Variants in CRACDL observed in about 807,000 individuals in gnomAD.
CRACDL encodes CRACD like.
A neutral mutation model predicts 70.6 loss-of-function variants in CRACDL; 26 were observed. The ratio of observed to expected loss-of-function variants is 0.37; its 90% CI spans 0.27 to 0.51. The LOEUF is 0.51. CRACDL is among the 20% of genes least tolerant of loss of function. CRACDL has a pLI of 0.94. For missense variants in CRACDL, 1,283 were observed against 1,376.9 expected, an observed-to-expected ratio of 0.93 and a Z score of 1.08; for synonymous variants, 618 against 615.2, an observed-to-expected ratio of 1.00 and a Z score of -0.07.
chr2:98,866,232 C>T (rs1707133158), intron 1 of CRACDL, among the ~76,000 whole-genome samples: 1 of 152,008 alleles, frequency 6.6e-6, no homozygotes, highest in Non-Finnish European at 1.5e-5. Context: ...ATCTTATTGC[C>T]CTGTAGTTAC....
intron 6 of CRACDL, among the ~76,000 whole-genome samples, chr2:98,825,925 C>T (rs1048771992): frequency 2.6e-5 from 4 of 152,218 alleles, no homozygotes; most frequent in African/African-American, 9.6e-5. Flanking sequence ...CAACTGTCTC[C>T]AGCTGAGGCA....
Position 98,822,021 on chromosome 2 carries a change from C to T in CRACDL, c.2252G>A (p.Arg751Gln), listed in dbSNP as rs775371612. 30 of 1,539,708 alleles carry T rather than the reference C, an allele frequency of 1.9e-5. No homozygotes were observed. In the Admixed American group the frequency reaches 5.6e-4, roughly 29 times the overall value. The change falls in exon 7 of 10, where the codon CGG becomes CAG. Residue 751 changes from arginine (R) to glutamine (Q), a missense_variant. By Grantham distance (43) the Arg-to-Gln change is conservative. Transcript: ENST00000397899. The surrounding 1 kb of genome is among the most constrained non-coding windows in gnomAD (Gnocchi z 4.9). The part of the protein sequence containing the change: ...APSDQGKGKA[R>Q]PPEPLSSKPP... ...CTTGGAGCTGAGCGGCTCGGGGGGC[C>T]GGGCCTTCCCCTTTCCTTGGTCGCT...
intron 9 of CRACDL, among the ~76,000 whole-genome samples, chr2:98,795,077 A>ATATATATATATATATATATTTTTTTTT: frequency 1.7e-5 from 1 of 58,496 alleles, no homozygotes; most frequent in African/African-American, 6.6e-5. Context: ...ATATATATAT[A>ATATATATATATATATATATTTTTTTTT]TTTTTTTTTT....
intron 2 of CRACDL, among the ~76,000 whole-genome samples, chr2:98,841,461 C>T (rs775730566): frequency 3.9e-5 from 6 of 152,074 alleles, no homozygotes; most frequent in Admixed American, 6.5e-5. Flanking sequence ...CAAGGACCTT[C>T]GAATACTTTA....
chr2:98,856,650 A>T (rs1187281539), intron 1 of CRACDL, among the ~76,000 whole-genome samples: 1 of 152,212 alleles, frequency 6.6e-6, no homozygotes, highest in African/African-American at 2.4e-5. Flanking sequence ...CATTGTTGGG[A>T]CTATAATGTA....
At chr2:98,844,951 T>C (rs937211274) in intron 2 of CRACDL, among the ~76,000 whole-genome samples, 1 of 152,178 alleles carries the variant, frequency 6.6e-6, no homozygotes, top group Non-Finnish European at 1.5e-5. Context: ...AAAGGGTTGG[T>C]TTACCCCTAG....
chr2:98,935,030 T>C lies in CRACDL; in HGVS notation c.-11+908A>G, dbSNP rs570600246. On this transcript the variant is annotated intron_variant, in intron 1 of 9. Coordinates refer to ENST00000397899, the MANE Select transcript of CRACDL (RefSeq NM_207362.3). Reference sequence around the variant, plus strand: ...TTCTTAGGATGACCACAGTGCTCCATCATTCCAGGTGTGCGCCCGTGGGAC... The same window carrying C: ...TTCTTAGGATGACCACAGTGCTCCACCATTCCAGGTGTGCGCCCGTGGGAC... Among the ~76,000 whole-genome samples, 19 of 152,342 alleles carry C rather than the reference T, an allele frequency of 1.2e-4. 1 individual carries two copies. The South Asian group carries it at 3.9e-3, about 32-fold the overall frequency.
At chr2:98,931,977 A>G (rs2104710964) in intron 1 of CRACDL, among the ~76,000 whole-genome samples, 1 of 152,354 alleles carries the variant, frequency 6.6e-6, no homozygotes, top group East Asian at 1.9e-4. Flanking sequence ...ATTTGTCAAA[A>G]TCATAAATGT....
At chr2:98,930,009 T>C (rs1709030098) in intron 1 of CRACDL, among the ~76,000 whole-genome samples, 1 of 152,106 alleles carries the variant, frequency 6.6e-6, no homozygotes. Flanking sequence ...AGGAACCTGA[T>C]ATTCCCTCAA....
chr2:98,832,475 G>A lies in CRACDL; in HGVS notation c.413C>T (p.Pro138Leu). ...CTTGGCAGGAAGCCCCCCTGGAGGA[G>A]GTGGTGGCCCCATTTTCACATTACA... ...IQCNVKMGPP[P>L]PPGGLPAKRG... is the part of the protein sequence containing the mutation. The change falls in exon 5 of 10, where the codon CCT becomes CTT. Residue 138 changes from proline to leucine, a missense_variant. By Grantham distance (98) the Pro-to-Leu change is moderately conservative (BLOSUM62 -3). Coordinates refer to ENST00000397899, the MANE Select transcript of CRACDL (RefSeq NM_207362.3). 6.2e-7 allele frequency: 1 copy of A among 1,612,596 alleles called. No individual in the cohort carries two copies. The highest frequency in any genetic ancestry group is 8.5e-7 in the Non-Finnish European group (1 of 1,179,052).
At chr2:98,899,264 C>A (rs1303552304) in intron 1 of CRACDL, among the ~76,000 whole-genome samples, 3 of 152,222 alleles carry the variant, frequency 2.0e-5, no homozygotes, top group Non-Finnish European at 4.4e-5. Context: ...AGGGGTGACA[C>A]AAGAGCTCTT....
intron 1 of CRACDL, among the ~76,000 whole-genome samples, chr2:98,904,473 G>A (rs1004187149): frequency 2.6e-5 from 4 of 152,200 alleles, no homozygotes; most frequent in South Asian, 2.1e-4. Context: ...GGAAACCCAC[G>A]TGATTGTTCT....
intron 7 of CRACDL, among the ~76,000 whole-genome samples, chr2:98,811,264 C>A (rs1241754352): frequency 1.3e-5 from 2 of 151,720 alleles, no homozygotes; most frequent in Non-Finnish European, 2.9e-5. Context: ...GCAATCCCAG[C>A]ACTTTGGGAG....
chr2:98,858,223 G>T (rs1200199509), intron 1 of CRACDL, among the ~76,000 whole-genome samples: 1 of 152,068 alleles, frequency 6.6e-6, no homozygotes, highest in Non-Finnish European at 1.5e-5. Context: ...AGAAGAAAAG[G>T]CTGGGTGCAG....
chr2:98,873,496 G>A (rs1707404538), intron 1 of CRACDL, among the ~76,000 whole-genome samples: 1 of 152,148 alleles, frequency 6.6e-6, no homozygotes, highest in African/African-American at 2.4e-5. Flanking sequence ...CTGACCCCAG[G>A]GTGGGAACAG....
In CRACDL at chr2:98,822,711, G is replaced by A; in HGVS notation, c.1562C>T (p.Pro521Leu). 1 of 1,264,244 alleles carries A rather than the reference G, an allele frequency of 7.9e-7. No individual in the cohort carries two copies. The highest frequency in any genetic ancestry group is 9.9e-7 in the Non-Finnish European group (1 of 1,008,536). The allele number at this position is 1,264,244 out of a possible 1,614,324, so 78.3% of individuals were successfully genotyped here. A position where few individuals can be genotyped will look rare whatever the true frequency, so the allele number is the denominator to read the frequency against. The change falls in exon 7 of 10, where the codon CCC (proline) becomes CTC (leucine). Residue 521 changes from proline to leucine, a missense_variant. This residue lies in a region of CRACDL where 921 missense variants were observed against 881.9 expected (regional missense o/e 1.04). Coordinates refer to ENST00000397899, the MANE Select transcript of CRACDL (RefSeq NM_207362.3). The surrounding 1 kb of genome is among the most constrained non-coding windows in gnomAD (Gnocchi z 4.9). ...ASPPLAAAES[P>L]PVEPGPGSLD... is the part of the protein sequence containing the mutation. ...GGAACCGGGGCCGGGCTCCACCGGGGGAGACTCCGCAGCGGCAAGCGGCGG... is the reference window on the plus strand; with the variant it reads ...GGAACCGGGGCCGGGCTCCACCGGGAGAGACTCCGCAGCGGCAAGCGGCGG...
At chr2:98,862,279 C>T (rs1212384297) in intron 1 of CRACDL, among the ~76,000 whole-genome samples, 4 of 152,092 alleles carry the variant, frequency 2.6e-5, no homozygotes, top group African/African-American at 9.7e-5. Context: ...ACAAACAAAA[C>T]CCAAAAATCC....
chr2:98,822,208 T>C lies in CRACDL; in HGVS notation c.2065A>G (p.Thr689Ala). The C allele has an allele frequency of 1.2e-6, 2 of 1,609,702 alleles. No individual in the cohort carries two copies. Among genetic ancestry groups the C allele is most frequent in the Admixed American group, 1.7e-5 (1 of 59,904 alleles). ...TCCCTGTATTTGAGCGAGAGGGAGG[T>C]GGACCGGAGCTTGACGGGGAAGGGG... ...RNPFPVKLRS[T>A]SLSLKYRDGA... Residue 689 changes from threonine (T) to alanine (A), a missense_variant, in exon 7 of 10, where the codon ACC (threonine) becomes GCC (alanine). Physicochemically the swap from Thr to Ala is moderately conservative, Grantham distance 58 (BLOSUM62 0). Transcript: ENST00000397899. The surrounding 1 kb of genome is among the most constrained non-coding windows in gnomAD (Gnocchi z 4.9).
intron 1 of CRACDL, among the ~76,000 whole-genome samples, chr2:98,892,803 T>C (rs1446874108): frequency 6.6e-6 from 1 of 152,172 alleles, no homozygotes; most frequent in East Asian, 1.9e-4. Context: ...ATGCATATTA[T>C]ATATATGTAA....
Sources: gnomAD v4.1 joint callset for allele counts (sites outside exome capture counted in the v4.1 genomes callset) on GRCh38, gnomAD v4.1.1 for gene constraint, gnomAD v4.1.1 regional missense constraint, Gnocchi (gnomAD v3.1) non-coding constraint, MANE v1.5 for transcripts, NCBI Gene and HGNC (gene_info 2026-07-23, HGNC 2026-07-21) for gene names.